LRRC4C: variants seen among roughly 807,000 people sequenced by gnomAD.
The protein encoded by LRRC4C is leucine rich repeat containing 4C.
Under a neutral mutation model 33.6 loss-of-function variants are expected in LRRC4C, and 5 were observed. The observed-to-expected ratio is 0.15, with a 90% CI of 0.08 to 0.31. The LOEUF is 0.31. LRRC4C is among the 10% of genes least tolerant of loss of function. The pLI is 1.00. For synonymous variants in LRRC4C, 329 were observed against 302.0 expected, an observed-to-expected ratio of 1.09 and a Z score of -0.93; for missense variants, 560 against 796.7, an observed-to-expected ratio of 0.70 and a Z score of 3.58.
chr11:40,137,168 G>GTGTGTGTGTGTGTGTGTGTGTGTA (rs1857038070), intron 6 of LRRC4C, among the ~76,000 whole-genome samples: 1 of 94,362 alleles, frequency 1.1e-5, no homozygotes, highest in Admixed American at 1.1e-4. Context: ...GGGCACGTGT[G>GTGTGTGTGTGTGTGTGTGTGTGTA]TGTGTGTGTG....
rs113625338 is a variant in LRRC4C at position 41,283,008 on chromosome 11, A to G, written c.-496+176423T>C. Among the ~76,000 whole-genome samples the G allele has an allele frequency of 4.7e-3, 714 of 152,336 alleles. 3 individuals carry two copies. The highest frequency in any genetic ancestry group is 0.015 in the African/African-American group (633 of 41,584). On this transcript the variant is annotated intron_variant, in intron 1 of 6. Coordinates refer to ENST00000528697, the MANE Select transcript of LRRC4C (RefSeq NM_001258419.2). ...AATTAGAAAGCACTCTATCAAATGT[A>G]ATGTTTTTAATTTTTTTCTCACTCT... is the stretch of plus-strand genomic sequence containing the variant.
chr11:40,285,940 T>C (rs1257269596), intron 4 of LRRC4C, among the ~76,000 whole-genome samples: 1 of 152,170 alleles, frequency 6.6e-6, no homozygotes, highest in Non-Finnish European at 1.5e-5. Context: ...CTTAGCCTCT[T>C]TGTGTTTCTG....
chr11:41,122,488 T>A (rs1189953704), intron 1 of LRRC4C, among the ~76,000 whole-genome samples: 1 of 151,996 alleles, frequency 6.6e-6, no homozygotes, highest in African/African-American at 2.4e-5. Flanking sequence ...TTTCAACTGA[T>A]AATATATATA....
intron 2 of LRRC4C, among the ~76,000 whole-genome samples, chr11:40,795,966 T>G (rs148558041): frequency 5.5e-4 from 84 of 152,314 alleles, no homozygotes; most frequent in African/African-American, 2.0e-3. Context: ...AATGTGTTCT[T>G]AGCCCCAAAT....
rs142556995 is a variant in LRRC4C, at chr11:41,371,104, G to A, written c.-496+88327C>T. On this transcript the variant is annotated intron_variant, in intron 1 of 6. Transcript: ENST00000528697. ...CTGCTGAAATATTGTTTCTCAAAAG[G>A]TTCTCAGCCGCCTTGATATATTAAA... 3.3e-5 allele frequency among the ~76,000 whole-genome samples: 5 copies of A among 152,064 alleles called. No individual in the cohort carries two copies. In the East Asian group the frequency reaches 9.7e-4, roughly 29 times the overall value.
intron 2 of LRRC4C, 92 bp downstream of exon 2, chr11:40,933,543 T>C (rs1957731715): frequency 6.6e-6 from 1 of 152,250 alleles, no homozygotes; most frequent in Admixed American, 6.5e-5. Context: ...TTGGGTGATC[T>C]TGCAGCCTCG....
chr11:41,049,725 T>C (rs771879889), intron 1 of LRRC4C, among the ~76,000 whole-genome samples: 38 of 152,324 alleles, frequency 2.5e-4, no homozygotes, highest in African/African-American at 8.7e-4. Flanking sequence ...AATGATTCCA[T>C]CTGGGCATTG....
chr11:40,818,307 G>A (rs930634140), intron 2 of LRRC4C, among the ~76,000 whole-genome samples: 11 of 152,112 alleles, frequency 7.2e-5, no homozygotes, highest in East Asian at 1.9e-4. Context: ...ACTAAGGATC[G>A]CAAGTTCCTG....
chr11:41,122,978 G>C (rs1351300598), intron 1 of LRRC4C: 1 of 152,114 alleles, frequency 6.6e-6, no homozygotes, highest in Non-Finnish European at 1.5e-5. Context: ...TCTCCGTATT[G>C]TTCCAACTTT....
intron 5 of LRRC4C, among the ~76,000 whole-genome samples, chr11:40,230,323 T>C (rs1037719726): frequency 3.3e-5 from 5 of 152,252 alleles, no homozygotes; most frequent in African/African-American, 1.2e-4. Flanking sequence ...CTGAGCTTTC[T>C]CTTCAACTGC....
At chr11:40,243,320 G>A (rs947427407) in intron 4 of LRRC4C, among the ~76,000 whole-genome samples, 3 of 152,140 alleles carry the variant, frequency 2.0e-5, no homozygotes, top group Non-Finnish European at 2.9e-5. Context: ...AAGCTAAGGC[G>A]CTTTAAATGT....
chr11:41,007,467 G>T (rs1221579666), intron 1 of LRRC4C, among the ~76,000 whole-genome samples: 1 of 151,866 alleles, frequency 6.6e-6, no homozygotes, highest in Admixed American at 6.6e-5. Context: ...AGAGTATTTG[G>T]CAATATCTAT....
chr11:40,911,694 G>A (rs1052830238), intron 2 of LRRC4C, among the ~76,000 whole-genome samples: 1 of 152,220 alleles, frequency 6.6e-6, no homozygotes, highest in Admixed American at 6.5e-5. Flanking sequence ...AAGCTGGACG[G>A]AGAATGACTT....
chr11:40,962,948 C>T (rs1851074536), intron 1 of LRRC4C, among the ~76,000 whole-genome samples: 1 of 151,630 alleles, frequency 6.6e-6, no homozygotes, highest in African/African-American at 2.4e-5. Context: ...GCAAATTAAA[C>T]ATATTAAAAC....
intron 2 of LRRC4C, among the ~76,000 whole-genome samples, chr11:40,869,731 G>A (rs1011125334): frequency 3.9e-5 from 6 of 152,106 alleles, no homozygotes; most frequent in African/African-American, 1.2e-4. Flanking sequence ...CAGGGGAGAA[G>A]GGACGCAAGA....
intron 3 of LRRC4C, among the ~76,000 whole-genome samples, chr11:40,456,344 C>T (rs111977498): frequency 0.01 from 1,537 of 151,990 alleles, 10 homozygotes; most frequent in Middle Eastern, 0.021. Context: ...TACTAAGAAT[C>T]CAAATTATGA....
intron 1 of LRRC4C, among the ~76,000 whole-genome samples, chr11:41,046,242 T>C (rs1857767119): frequency 6.6e-6 from 1 of 152,200 alleles, no homozygotes; most frequent in South Asian, 2.1e-4. Flanking sequence ...TCATGTTTCT[T>C]CTTCACAGCC....
At position 41,358,039 on chromosome 11, in the gene LRRC4C, C is replaced by T. The variant is rs527764260; in HGVS notation, c.-496+101392G>A. On this transcript the variant is annotated intron_variant, in intron 1 of 6. Transcript: ENST00000528697. Reference sequence around the variant, plus strand: ...CTACAGTAATCAAGATAGTGTGATACTGGTAAAAGAATAGACAAACAAATC... The same window carrying T: ...CTACAGTAATCAAGATAGTGTGATATTGGTAAAAGAATAGACAAACAAATC... 4.6e-5 allele frequency among the ~76,000 whole-genome samples: 7 copies of T among 152,142 alleles called. No homozygotes were observed. The South Asian group carries it at 1.2e-3, about 27-fold the overall frequency.
chr11:40,114,468 T>A lies in LRRC4C; in HGVS notation c.1825A>T (p.Thr609Ser). 1 of 1,614,144 alleles carries A rather than the reference T, an allele frequency of 6.2e-7. No homozygotes were observed. Among genetic ancestry groups the A allele is most frequent in the Non-Finnish European group, 8.5e-7 (1 of 1,180,010 alleles). ...ATTGAATTTATTGTGTTAACTGTTG[T>A]TGTGTGGTTGAAGGGAGATTTGTAT... ...NSYKSPFNHT[T>S]TVNTINSIHS... The change falls in exon 7 of 7, where the codon ACA (threonine) becomes TCA (serine). Residue 609 changes from threonine to serine, a missense_variant. Coordinates refer to ENST00000528697, the MANE Select transcript of LRRC4C (RefSeq NM_001258419.2).
Sources: allele counts gnomAD v4.1 joint callset (sites outside exome capture counted in the v4.1 genomes callset), GRCh38; gene constraint gnomAD v4.1.1; transcripts MANE v1.5; gene names NCBI Gene and HGNC (gene_info 2026-07-23, HGNC 2026-07-21).